Variants in SNRNP40 observed in about 807,000 individuals in gnomAD.
The protein encoded by SNRNP40 is U5 small nuclear ribonucleoprotein 40 kDa protein.
SNRNP40 carries 21 observed loss-of-function variants against 45.8 expected under a neutral mutation model. The ratio of observed to expected loss-of-function variants is 0.46; its 90% CI spans 0.32 to 0.66. SNRNP40 has a LOEUF of 0.66. Ranked by LOEUF, SNRNP40 falls within the 30% of genes least tolerant of loss-of-function variation. SNRNP40 has a pLI of 0.03. For synonymous variants in SNRNP40, 142 were observed against 163.8 expected (o/e 0.87, Z 1.01); for missense variants, 344 against 439.1 (o/e 0.78, Z 1.94).
At chr1:31,264,587 G>A (rs1645883431) in intron 8 of SNRNP40, among the ~76,000 whole-genome samples, 1 of 152,150 alleles carries the variant, frequency 6.6e-6, no homozygotes, top group Admixed American at 6.5e-5. Context: ...AAATAATGAG[G>A]TAATATATGC....
chr1:31,286,344 TTTGATTATGCTTCC>T (rs1646059191), intron 4 of SNRNP40, among the ~76,000 whole-genome samples: 1 of 152,194 alleles, frequency 6.6e-6, no homozygotes, highest in Non-Finnish European at 1.5e-5. Context: ...TATTCACTTA[TTTGATTATGCTTCC>T]TGCATGCAAC....
chr1:31,292,578 A>G (rs1646115407), intron 2 of SNRNP40, among the ~76,000 whole-genome samples: 1 of 152,240 alleles, frequency 6.6e-6, no homozygotes, highest in Non-Finnish European at 1.5e-5. Flanking sequence ...GAGTTAACAG[A>G]AAAGAGCCAA....
At chr1:31,263,241 T>C (rs902929405) in intron 8 of SNRNP40, 2 of 152,154 alleles carry the variant, frequency 1.3e-5, no homozygotes, top group African/African-American at 4.8e-5. Context: ...TTTTTCCTTA[T>C]TCATTCTATA....
chr1:31,267,969 C>T (rs775811744), intron 7 of SNRNP40, 37 bp from the exon 8 acceptor site: 6 of 1,449,268 alleles, frequency 4.1e-6, no homozygotes, highest in Non-Finnish European at 3.9e-6. Flanking sequence ...AGTAATATAC[C>T]AAACTCCTCT....
At position 31,260,908 on chromosome 1, in the gene SNRNP40, T is replaced by C. The variant is rs929396478; in HGVS notation, c.1024+621A>G. On this transcript the variant is annotated intron_variant, in intron 9 of 9. Coordinates refer to ENST00000263694, the MANE Select transcript of SNRNP40 (RefSeq NM_004814.3). ...ATCTTTCTTTTAATCAAATACATCA[T>C]TGAAACAGACTTGATGGAAGTAAAT... 6 of 820,242 alleles carry C rather than the reference T, an allele frequency of 7.3e-6. No homozygotes were observed. The East Asian group carries it at 5.3e-4, about 73-fold the overall frequency. 50.8% of individuals were successfully genotyped at this position (820,242 alleles called of 1,614,324 possible).
intron 9 of SNRNP40, among the ~76,000 whole-genome samples, chr1:31,260,733 G>A (rs753857577): frequency 1.1e-4 from 17 of 151,228 alleles, no homozygotes; most frequent in African/African-American, 4.1e-4. Flanking sequence ...GTGGTGGTGG[G>A]TGCCTGTAGT....
chr1:31,293,393 G>T (rs1646120566), intron 1 of SNRNP40, 45 bp from the exon 2 acceptor site: 1 of 1,542,340 alleles, frequency 6.5e-7, no homozygotes, highest in Middle Eastern at 1.7e-4. Context: ...TACAGACAAA[G>T]GAGGCTACAA....
intron 8 of SNRNP40, among the ~76,000 whole-genome samples, chr1:31,266,309 G>A (rs145547536): frequency 5.9e-5 from 9 of 152,336 alleles, no homozygotes; most frequent in Non-Finnish European, 1.3e-4. Context: ...TTATAGGATG[G>A]TGCTTGTTTC....
chr1:31,272,577 C>T (rs1645946252), intron 5 of SNRNP40, among the ~76,000 whole-genome samples: 1 of 152,138 alleles, frequency 6.6e-6, no homozygotes, highest in Non-Finnish European at 1.5e-5. Context: ...GTTTCCTGGT[C>T]TGTAAGATTA....
At chr1:31,279,986 T>C (rs375360203) in intron 5 of SNRNP40, among the ~76,000 whole-genome samples, 47 of 150,602 alleles carry the variant, frequency 3.1e-4, no homozygotes, top group Non-Finnish European at 5.8e-4. Flanking sequence ...CACGTGCCTG[T>C]AATCCCAGCT....
At chr1:31,266,293 T>G (rs1340589667) in intron 8 of SNRNP40, among the ~76,000 whole-genome samples, 1 of 152,184 alleles carries the variant, frequency 6.6e-6, no homozygotes. Context: ...AAGAAAGTCT[T>G]CCTATTTATA....
chr1:31,296,568 G>A, intron 1 of SNRNP40, 43 bp downstream of exon 1: 1 of 1,574,518 alleles, frequency 6.4e-7, no homozygotes. Context: ...CTGAGGGGAG[G>A]AAGATGAGCT....
rs1645936201 is a variant in SNRNP40, at chr1:31,271,286, C to G, written c.775+93G>C. 12 of 1,300,648 alleles carry G rather than the reference C, an allele frequency of 9.2e-6. No individual in the cohort carries two copies. In the East Asian group the frequency reaches 2.8e-4, roughly 30 times the overall value. The allele number at this position is 1,300,648 out of a possible 1,614,324, so 80.6% of individuals were successfully genotyped here. The stretch of plus-strand genomic sequence containing the variant: ...TTGACTATCTCACCTAAAGCTTTCC[C>G]CATTACAACACATTCTAATCGTCTG... On this transcript the variant is annotated intron_variant, in intron 6 of 9. Coordinates refer to ENST00000263694, the MANE Select transcript of SNRNP40 (RefSeq NM_004814.3).
intron 8 of SNRNP40, 59 bp downstream of exon 8, chr1:31,267,812 A>C (rs1645909892): frequency 7.5e-7 from 1 of 1,338,696 alleles, no homozygotes; most frequent in African/African-American, 1.4e-5. Flanking sequence ...GATTGCAGGC[A>C]CGAGCCACCG....
intron 4 of SNRNP40, among the ~76,000 whole-genome samples, chr1:31,283,198 G>A (rs1646032379): frequency 6.6e-6 from 1 of 152,210 alleles, no homozygotes; most frequent in African/African-American, 2.4e-5. Context: ...TGTTGTTGTA[G>A]GTAATTTAGG....
Position 31,259,880 on chromosome 1 carries a change from A to G in SNRNP40, c.*192T>C. The stretch of plus-strand genomic sequence containing the variant: ...CTGGCAGGTGGTTTTTAGAGGCCAC[A>G]GGGAGCTTGCCTTAGTCATCCTGGT... On this transcript the variant is annotated 3_prime_UTR_variant, in exon 10 of 10. Coordinates refer to ENST00000263694, the MANE Select transcript of SNRNP40 (RefSeq NM_004814.3). 1 of 697,892 alleles carries G rather than the reference A, an allele frequency of 1.4e-6. No homozygotes were observed. The highest frequency in any genetic ancestry group is 1.5e-5 in the South Asian group (1 of 66,760). The allele number at this position is 697,892 out of a possible 1,614,324, so 43.2% of individuals were successfully genotyped here.
chr1:31,289,625 C>G (rs1369423327), intron 3 of SNRNP40, among the ~76,000 whole-genome samples: 1 of 152,198 alleles, frequency 6.6e-6, no homozygotes, highest in African/African-American at 2.4e-5. Flanking sequence ...AGATCTACCC[C>G]TGTGAAGTTT....
chr1:31,263,923 A>AG (rs1440960135), intron 8 of SNRNP40, among the ~76,000 whole-genome samples: 2 of 151,654 alleles, frequency 1.3e-5, no homozygotes. Context: ...TAAAAAAAAA[A>AG]AAAAAAAAAA....
rs367601266 is a variant in SNRNP40, at chr1:31,279,753, A to G, written c.654+1621T>C. Reference sequence around the variant, plus strand: ...CAGAGTGAGACTCTGTCTCAAAAAAAAGAAAAGTAGAAAAGAAGAGGTTGA... The same window carrying G: ...CAGAGTGAGACTCTGTCTCAAAAAAGAGAAAAGTAGAAAAGAAGAGGTTGA... On this transcript the variant is annotated intron_variant, in intron 5 of 9. Coordinates refer to ENST00000263694, the MANE Select transcript of SNRNP40 (RefSeq NM_004814.3). Among the ~76,000 whole-genome samples, 17 of 151,924 alleles carry G rather than the reference A, an allele frequency of 1.1e-4. No homozygotes were observed. The South Asian group carries it at 3.5e-3, about 32-fold the overall frequency.
Sources: gnomAD v4.1 joint callset for allele counts (sites outside exome capture counted in the v4.1 genomes callset) on GRCh38, gnomAD v4.1.1 for gene constraint, MANE v1.5 for transcripts, NCBI Gene and HGNC (gene_info 2026-07-23, HGNC 2026-07-21) for gene names.